Variants in BORCS8 observed in about 807,000 individuals in gnomAD.
BORCS8 encodes the protein BLOC-1-related complex subunit 8.
Under a neutral mutation model 18.7 loss-of-function variants are expected in BORCS8, and 13 were observed. The observed-to-expected ratio is 0.70, with a 90% CI of 0.45 to 1.11. The LOEUF is 1.11. Ranked by LOEUF, BORCS8 falls within the 50% of genes least tolerant of loss-of-function variation. BORCS8 has a pLI of 0.00. For synonymous variants in BORCS8, 68 were observed against 64.8 expected, an observed-to-expected ratio of 1.05 and a Z score of -0.24; for missense variants, 165 against 165.7, an observed-to-expected ratio of 1.00 and a Z score of 0.02.
chr19:19,181,556 G>A (rs906753423), intron 4 of BORCS8, among the ~76,000 whole-genome samples: 3 of 152,194 alleles, frequency 2.0e-5, no homozygotes, highest in Non-Finnish European at 1.5e-5. Flanking sequence ...TGGAAACCCT[G>A]AGTTGACAGT....
chr19:19,188,163 G>C (rs1342201898), intron 1 of BORCS8, among the ~76,000 whole-genome samples: 1 of 151,936 alleles, frequency 6.6e-6, no homozygotes, highest in African/African-American at 2.4e-5. Flanking sequence ...CCGCGTAGCT[G>C]GGACTACAGG....
chr19:19,186,130 G>C, intron 2 of BORCS8, 32 bp from the exon 3 acceptor site: 1 of 1,549,696 alleles, frequency 6.5e-7, no homozygotes. Context: ...TTTGGCAAGG[G>C]AGGCCACCCC....
intron 1 of BORCS8, among the ~76,000 whole-genome samples, chr19:19,187,219 G>A (rs73537449): frequency 0.16 from 24,007 of 152,126 alleles, 2,118 homozygotes; most frequent in East Asian, 0.37. Context: ...GCTCACGCCT[G>A]TAATCCTAGC....
chr19:19,177,636 AGAAAGAAGGAAGGAAGGAAG>A (rs2060301696), intron 5 of BORCS8, 176 bp from the exon 6 acceptor site: 1 of 134,496 alleles, frequency 7.4e-6, no homozygotes, highest in Non-Finnish European at 1.5e-5. Context: ...AAAGAAAGAA[AGAAAGAAGGAAGGAAGGAAG>A]GAAGGAAGGA....
chr19:19,185,685 C>CA (rs375961385), intron 3 of BORCS8, among the ~76,000 whole-genome samples: 6 of 152,062 alleles, frequency 3.9e-5, no homozygotes, highest in African/African-American at 1.4e-4. Context: ...GATTCTGTCT[C>CA]AAAAAAAATT....
At chr19:19,185,860 G>C (rs2060402882) in intron 3 of BORCS8, among the ~76,000 whole-genome samples, 174 bp downstream of exon 3, 1 of 152,224 alleles carries the variant, frequency 6.6e-6, no homozygotes, top group Non-Finnish European at 1.5e-5. Context: ...TCAGCACAGG[G>C]AAGAGACCCA....
At chr19:19,180,601 A>G (rs1362708260) in intron 5 of BORCS8, 85 bp downstream of exon 5, 11 of 942,406 alleles carry the variant, frequency 1.2e-5, no homozygotes, top group Non-Finnish European at 1.8e-5. Context: ...GTGGTTAGAC[A>G]AGCAGGTGCC....
intron 2 of BORCS8, 45 bp downstream of exon 2, chr19:19,186,848 T>G (rs1359727728): frequency 7.1e-7 from 1 of 1,399,708 alleles, no homozygotes; most frequent in Non-Finnish European, 9.6e-7. Context: ...CAGCCTTGAC[T>G]CCTGCCCTGA....
Position 19,189,410 on chromosome 19 carries a change from A to G in BORCS8, c.38-2405T>C, listed in dbSNP as rs76996542. Among the ~76,000 whole-genome samples the G allele has an allele frequency of 8.5e-4, 130 of 152,308 alleles. 3 individuals are homozygous for G. In the East Asian group the frequency reaches 0.018, roughly 21 times the overall value. ...CCATGCAGCACGTGAGGCAAACTCC[A>G]AATGAACAAATCATCTATTCCCACC... On this transcript the variant is annotated intron_variant, in intron 1 of 5. Transcript: ENST00000462790.
At chr19:19,185,232 A>G (rs1320595989) in intron 3 of BORCS8, among the ~76,000 whole-genome samples, 2 of 152,252 alleles carry the variant, frequency 1.3e-5, no homozygotes, top group African/African-American at 4.8e-5. Flanking sequence ...TCAGCCGCCA[A>G]TAAAATGGCC....
At chr19:19,190,903 G>A (rs1399029693) in intron 1 of BORCS8, among the ~76,000 whole-genome samples, 1 of 152,136 alleles carries the variant, frequency 6.6e-6, no homozygotes, top group African/African-American at 2.4e-5. Flanking sequence ...TCAACCAACC[G>A]TGGATGGAAA....
Position 19,180,673 on chromosome 19 carries a change from C to A in BORCS8, c.*42+13G>T, listed in dbSNP as rs893728475. ...AGCAGAGAGAGAGGCTCGTGGCTAC[C>A]CTCGGCACTGACCTGGGTTGGCGGA... is the stretch of plus-strand genomic sequence containing the variant. On this transcript the variant is annotated intron_variant, in intron 5 of 5. Transcript: ENST00000462790. 1 of 1,522,618 alleles carries A rather than the reference C, an allele frequency of 6.6e-7. No individual in the cohort carries two copies. The highest frequency in any genetic ancestry group is 8.9e-7 in the Non-Finnish European group (1 of 1,122,506). 94.3% of individuals were successfully genotyped at this position (1,522,618 alleles called of 1,614,324 possible).
chr19:19,190,201 A>G (rs1467823849), intron 1 of BORCS8, among the ~76,000 whole-genome samples: 1 of 152,226 alleles, frequency 6.6e-6, no homozygotes, highest in African/African-American at 2.4e-5. Flanking sequence ...TGATTAGGTT[A>G]CATGTTCACA....
intron 1 of BORCS8, among the ~76,000 whole-genome samples, chr19:19,189,194 G>T (rs2060441801): frequency 1.3e-5 from 2 of 151,988 alleles, no homozygotes; most frequent in South Asian, 2.1e-4. Flanking sequence ...GGCATTCCCA[G>T]CCAGCCAGCA....
At chr19:19,187,358 C>G (rs2060419844) in intron 1 of BORCS8, among the ~76,000 whole-genome samples, 1 of 151,880 alleles carries the variant, frequency 6.6e-6, no homozygotes, top group African/African-American at 2.4e-5. Context: ...GCCTGTAGTC[C>G]CAGCTATTCT....
chr19:19,190,297 G>A (rs967997137), intron 1 of BORCS8, among the ~76,000 whole-genome samples: 1 of 152,204 alleles, frequency 6.6e-6, no homozygotes, highest in African/African-American at 2.4e-5. Context: ...AACAGCACCA[G>A]CCTCAAAGTT....
rs45455303 is a variant in BORCS8, at chr19:19,182,711, C to T, written c.216-28G>A. On this transcript the variant is annotated intron_variant, in intron 3 of 5. Coordinates refer to ENST00000462790, the MANE Select transcript of BORCS8 (RefSeq NM_001145784.2). This position sits in a 1 kb window ranked among gnomAD's most constrained non-coding sequence, Gnocchi z 4.1. Reference sequence around the variant, plus strand: ...GAAACGGGAGGACAGGCCTGGTCAGCGCTCCGGACCTGCAGGTAACTGTCC... The same window carrying T: ...GAAACGGGAGGACAGGCCTGGTCAGTGCTCCGGACCTGCAGGTAACTGTCC... 7.7e-3 allele frequency: 11,883 copies of T among 1,537,782 alleles called. 77 individuals carry two copies. The highest frequency in any genetic ancestry group is 0.01 in the South Asian group (841 of 83,128).
chr19:19,185,939 G>T, intron 3 of BORCS8, 95 bp downstream of exon 3: 2 of 1,280,300 alleles, frequency 1.6e-6, no homozygotes, highest in Non-Finnish European at 1.1e-6. Context: ...CTGGCAGGGT[G>T]GGGCTTACTG....
rs546051719 is a variant in BORCS8 at position 19,182,803 on chromosome 19, G to A, written c.216-120C>T. 2.6e-5 allele frequency: 34 copies of A among 1,317,610 alleles called. No individual in the cohort carries two copies. Among genetic ancestry groups the A allele is most frequent in the Admixed American group, 5.5e-5 (2 of 36,226 alleles). 81.6% of individuals were successfully genotyped at this position (1,317,610 alleles called of 1,614,324 possible). ...ACCTCAGTGATTCTGCGGGCTTCCC[G>A]AAGGACTCACAGTGGGCTTACATTT... On this transcript the variant is annotated intron_variant, in intron 3 of 5. Coordinates refer to ENST00000462790, the MANE Select transcript of BORCS8 (RefSeq NM_001145784.2). This position sits in a 1 kb window ranked among gnomAD's most constrained non-coding sequence, Gnocchi z 4.1.
Sources: allele counts gnomAD v4.1 joint callset (sites outside exome capture counted in the v4.1 genomes callset), GRCh38; gene constraint gnomAD v4.1.1; non-coding constraint Gnocchi (gnomAD v3.1); transcripts MANE v1.5; gene names NCBI Gene and HGNC (gene_info 2026-07-23, HGNC 2026-07-21).